Variants in KIAA1958 observed in about 807,000 individuals in gnomAD.
KIAA1958 encodes uncharacterized protein KIAA1958.
In KIAA1958, 14 loss-of-function variants were observed where a neutral mutation model predicts 47.2. The ratio of observed to expected loss-of-function variants is 0.30; its 90% CI spans 0.20 to 0.46. The LOEUF (loss-of-function observed/expected upper bound fraction) is 0.46, where lower values mean the gene tolerates loss of function less well. Among genes scored for constraint, KIAA1958 ranks in the 20% least tolerant of loss-of-function variants. The pLI is 1.00. For synonymous variants in KIAA1958, 354 were observed against 353.3 expected (o/e 1.00, Z -0.02); for missense variants, 803 against 909.2 (o/e 0.88, Z 1.50).
chr9:112,562,081 A>C (rs1375341980), intron 1 of KIAA1958, among the ~76,000 whole-genome samples: 2 of 152,150 alleles, frequency 1.3e-5, no homozygotes, highest in East Asian at 3.9e-4. Flanking sequence ...GCCTGAGTGC[A>C]CTGTGCTGTA....
intron 3 of KIAA1958, 73 bp from the exon 4 acceptor site, chr9:112,659,190 G>A: frequency 7.9e-7 from 1 of 1,263,808 alleles, no homozygotes; most frequent in East Asian, 2.3e-5. Flanking sequence ...AGCCCCTGGT[G>A]AGGATTAGAA....
chr9:112,516,898 G>T (rs188278731), intron 1 of KIAA1958, among the ~76,000 whole-genome samples: 26 of 152,334 alleles, frequency 1.7e-4, no homozygotes, highest in South Asian at 8.3e-4. Flanking sequence ...GACAGAAAAA[G>T]GAGAGTGATG....
intron 2 of KIAA1958, among the ~76,000 whole-genome samples, chr9:112,592,034 A>T (rs893371984): frequency 6.6e-6 from 1 of 152,126 alleles, no homozygotes; most frequent in Admixed American, 6.5e-5. Flanking sequence ...CACAGGCTAA[A>T]CTAATTCTGA....
intron 2 of KIAA1958, among the ~76,000 whole-genome samples, chr9:112,577,903 A>G (rs552423487): frequency 7.9e-5 from 12 of 152,286 alleles, no homozygotes; most frequent in Non-Finnish European, 1.3e-4. Context: ...AGAGCACAGA[A>G]TATATACTGT....
chr9:112,617,743 G>A, intron 2 of KIAA1958: 1 of 717,302 alleles, frequency 1.4e-6, no homozygotes, highest in Non-Finnish European at 2.3e-6. Flanking sequence ...ACATTTATCA[G>A]TGATCTCCGT....
chr9:112,590,415 G>A (rs923716347), intron 2 of KIAA1958, among the ~76,000 whole-genome samples: 13 of 149,262 alleles, frequency 8.7e-5, no homozygotes, highest in African/African-American at 2.5e-4. Flanking sequence ...GCAATGGCGC[G>A]ATCTCCGCTC....
chr9:112,588,602 A>G (rs1020261669), intron 2 of KIAA1958, among the ~76,000 whole-genome samples: 1 of 152,212 alleles, frequency 6.6e-6, no homozygotes, highest in Non-Finnish European at 1.5e-5. Context: ...AGAATCAGTG[A>G]AATATATTTT....
rs1296151237 is a variant in KIAA1958, at chr9:112,515,093, G to GC, written c.-25+27982dup. Among the ~76,000 whole-genome samples the GC allele has an allele frequency of 2.9e-3, 127 of 44,506 alleles. 1 individual carries two copies. The highest frequency in any genetic ancestry group is 3.6e-3 in the Non-Finnish European group (89 of 24,710). The allele number at this position is 44,506 out of a possible 152,430, so 29.2% of individuals were successfully genotyped here. ...CCGGGAGGGAGGTGGGGGGGGGTCGGCCCCCCCGCCCGGCCAGCCGCCCCT... is the reference window on the plus strand; with the variant it reads ...CCGGGAGGGAGGTGGGGGGGGGTCGGCCCCCCCCGCCCGGCCAGCCGCCCCT... On this transcript the variant is annotated intron_variant, in intron 1 of 3. Transcript: ENST00000337530.
intron 2 of KIAA1958, among the ~76,000 whole-genome samples, chr9:112,611,105 C>T (rs1262166686): frequency 6.6e-6 from 1 of 152,074 alleles, no homozygotes; most frequent in South Asian, 2.1e-4. Context: ...ATATCTGTAT[C>T]ATTTAACCCC....
At chr9:112,638,148 C>CA (rs921165281) in intron 2 of KIAA1958, among the ~76,000 whole-genome samples, 4 of 151,602 alleles carry the variant, frequency 2.6e-5, no homozygotes, top group Non-Finnish European at 5.9e-5. Flanking sequence ...GACTCCATCT[C>CA]AAAAAAATAA....
intron 1 of KIAA1958, among the ~76,000 whole-genome samples, chr9:112,545,826 T>TGTGTG (rs1554722793): frequency 1.4e-3 from 9 of 6,436 alleles, no homozygotes; most frequent in African/African-American, 2.1e-3. Context: ...GGTTTCTTTG[T>TGTGTG]TTTTTTTTTT....
intron 1 of KIAA1958, among the ~76,000 whole-genome samples, chr9:112,494,911 T>G (rs1834025964): frequency 6.6e-6 from 1 of 152,232 alleles, no homozygotes; most frequent in South Asian, 2.1e-4. Context: ...TTTTTCAATT[T>G]CTGATGTATG....
In KIAA1958 at chr9:112,661,071, C is replaced by A. The variant is rs1213609670; in HGVS notation, c.*1002C>A. ...CAAACAAGCTGCAAAAAACACAGAT[C>A]CCCAAACTTTCTTTATTAAAGAGAT... On this transcript the variant is annotated 3_prime_UTR_variant, in exon 4 of 4. Coordinates refer to ENST00000337530, the MANE Select transcript of KIAA1958 (RefSeq NM_133465.4). The A allele has an allele frequency of 6.6e-6, 1 of 152,136 alleles. No individual in the cohort carries two copies. The highest frequency in any genetic ancestry group is 1.5e-5 in the Non-Finnish European group (1 of 68,024). The allele number at this position is 152,136 out of a possible 1,614,324, so 9.4% of individuals were successfully genotyped here. A position where few individuals can be genotyped will look rare whatever the true frequency, so the allele number is the denominator to read the frequency against.
chr9:112,631,534 G>GAAAAAAAAAAAAAAAAAA (rs57805823), intron 2 of KIAA1958, among the ~76,000 whole-genome samples: 2 of 98,306 alleles, frequency 2.0e-5, no homozygotes, highest in African/African-American at 3.7e-5. Context: ...CTCTCTCAAA[G>GAAAAAAAAAAAAAAAAAA]AAAAAAAAAA....
At chr9:112,500,155 G>A (rs996058089) in intron 1 of KIAA1958, among the ~76,000 whole-genome samples, 3 of 151,994 alleles carry the variant, frequency 2.0e-5, no homozygotes, top group Non-Finnish European at 4.4e-5. Flanking sequence ...AGCCTGGAGT[G>A]CAGTGGTGCG....
intron 2 of KIAA1958, among the ~76,000 whole-genome samples, chr9:112,577,675 A>C (rs940254012): frequency 1.3e-5 from 2 of 151,960 alleles, no homozygotes; most frequent in African/African-American, 4.8e-5. Flanking sequence ...ACTTTTCTGC[A>C]TCTGCCTTGT....
rs150293712 is a variant in KIAA1958, at chr9:112,612,602, C to T, written c.1172-33048C>T. ...TTCTAAAAGAAATGCAAAATAAAATCATAATATATATTACAATTAAATAAG... is the reference window on the plus strand; with the variant it reads ...TTCTAAAAGAAATGCAAAATAAAATTATAATATATATTACAATTAAATAAG... On this transcript the variant is annotated intron_variant, in intron 2 of 3. Transcript: ENST00000337530. Among the ~76,000 whole-genome samples, 1,268 of 151,982 alleles carry T rather than the reference C, an allele frequency of 8.3e-3. 13 individuals are homozygous for T. Among genetic ancestry groups the T allele is most frequent in the East Asian group, 0.028 (145 of 5,176 alleles).
chr9:112,560,035 T>G (rs1336058074), intron 1 of KIAA1958, among the ~76,000 whole-genome samples: 2 of 152,080 alleles, frequency 1.3e-5, no homozygotes, highest in African/African-American at 4.8e-5. Flanking sequence ...TTAAGAATTT[T>G]GAGGTATTTA....
intron 1 of KIAA1958, among the ~76,000 whole-genome samples, chr9:112,492,448 G>C (rs1833985648): frequency 6.6e-6 from 1 of 152,086 alleles, no homozygotes; most frequent in Admixed American, 6.5e-5. Flanking sequence ...GAGGTACCAG[G>C]GTTTAGGATG....
Sources: gnomAD v4.1 joint callset for allele counts (sites outside exome capture counted in the v4.1 genomes callset) on GRCh38, gnomAD v4.1.1 for gene constraint, MANE v1.5 for transcripts, NCBI Gene and HGNC (gene_info 2026-07-23, HGNC 2026-07-21) for gene names.